VPS54: variants seen among roughly 807,000 people sequenced by gnomAD.
VPS54 encodes the protein VPS54 subunit of GARP complex.
In VPS54, 45 loss-of-function variants were observed where a neutral mutation model predicts 121.5. The ratio of observed to expected loss-of-function variants is 0.37; its 90% CI spans 0.29 to 0.47. The LOEUF (loss-of-function observed/expected upper bound fraction) is 0.47, where lower values mean the gene tolerates loss of function less well. Among genes scored for constraint, VPS54 ranks in the 20% least tolerant of loss-of-function variants. The pLI is 0.99. For synonymous variants in VPS54, 371 were observed against 385.8 expected (o/e 0.96, Z 0.45); for missense variants, 1,090 against 1,131.4 (o/e 0.96, Z 0.52).
At chr2:63,911,729 C>G (rs1369693013) in intron 20 of VPS54, among the ~76,000 whole-genome samples, 2 of 152,138 alleles carry the variant, frequency 1.3e-5, no homozygotes, top group Non-Finnish European at 2.9e-5. Context: ...TAAGGTTATT[C>G]CAAATATGAT....
chr2:63,934,170 A>G (rs1037156234), intron 11 of VPS54, among the ~76,000 whole-genome samples, 157 bp from the exon 12 acceptor site: 2 of 152,210 alleles, frequency 1.3e-5, no homozygotes, highest in Non-Finnish European at 1.5e-5. Context: ...ATTACATAGG[A>G]AAAGTGATGT....
chr2:63,893,490 G>T lies in VPS54; in HGVS notation c.2874C>A (p.Ala958=). The change falls in exon 23 of 23, where the codon GCC becomes GCA. Residue 958 remains alanine, a synonymous_variant. Coordinates refer to ENST00000272322, the MANE Select transcript of VPS54 (RefSeq NM_016516.3). ...GGTCCAAATCTTTAAGGCCTTTTAA[G>T]GCTTGAAGATTTCCAGTGTAAAAAG... The part of the protein sequence containing the change: ...DVAFYTGNLQ[A]LKGLKDLDLN... The T allele has an allele frequency of 2.5e-6, 4 of 1,613,966 alleles. No homozygotes were observed. Among genetic ancestry groups the T allele is most frequent in the Non-Finnish European group, 3.4e-6 (4 of 1,179,958 alleles).
chr2:63,920,547 T>C lies in VPS54; in HGVS notation c.1950A>G (p.Glu650=), dbSNP rs1558991940. ...ACGTGCTTTTTCTTCCACAGATCTG[T>C]TCGGTGTCTAAAATGAATGTTTCCA... ...RLMETFILDT[E]QICGRKSTSL... Residue 650 remains glutamate (E), a synonymous_variant, in exon 14 of 23, where the codon GAA becomes GAG. Coordinates refer to ENST00000272322, the MANE Select transcript of VPS54 (RefSeq NM_016516.3). The C allele has an allele frequency of 1.9e-6, 3 of 1,581,228 alleles. No homozygotes were observed. Among genetic ancestry groups the C allele is most frequent in the South Asian group, 2.3e-5 (2 of 87,032 alleles).
At position 64,019,424 on chromosome 2, in the gene VPS54, A is replaced by C. The variant is rs1678873250; in HGVS notation, c.-507T>G. ...GAGGCCGCCGCAGCCCCCAGCCCACAATCCACCGCGCGGCTCCGCCGGGGC... is the reference window on the plus strand; with the variant it reads ...GAGGCCGCCGCAGCCCCCAGCCCACCATCCACCGCGCGGCTCCGCCGGGGC... On this transcript the variant is annotated 5_prime_UTR_variant, in exon 1 of 23. The change creates a new upstream start codon in the 5' untranslated region. Coordinates refer to ENST00000272322, the MANE Select transcript of VPS54 (RefSeq NM_016516.3). Among the ~76,000 whole-genome samples the C allele has an allele frequency of 6.6e-6, 1 of 150,628 alleles. No individual in the cohort carries two copies. The highest frequency in any genetic ancestry group is 6.6e-5 in the Admixed American group (1 of 15,130).
intron 7 of VPS54, among the ~76,000 whole-genome samples, chr2:63,959,519 G>A (rs576275272): frequency 9.3e-4 from 142 of 151,966 alleles, no homozygotes; most frequent in Non-Finnish European, 1.8e-3. Context: ...TTACACATGT[G>A]GTTCTAAAAA....
chr2:64,005,258 C>A (rs991310953), intron 1 of VPS54, among the ~76,000 whole-genome samples: 1 of 150,826 alleles, frequency 6.6e-6, no homozygotes, highest in East Asian at 1.9e-4. Flanking sequence ...TGCCCGCCAC[C>A]GCGCCCGGCT....
chr2:63,967,973 T>C (rs1227882682), intron 5 of VPS54, among the ~76,000 whole-genome samples: 1 of 151,942 alleles, frequency 6.6e-6, no homozygotes, highest in Non-Finnish European at 1.5e-5. Flanking sequence ...CACAGAGCCA[T>C]CAAAAAAAAG....
chr2:63,912,343 A>AC lies in VPS54; in HGVS notation c.2625+1dup. ...AGTCTAATAATTTCTATAAATCATTACCTTAGATAACAGCTTGTCAAATAA... is the reference window on the plus strand; with the variant it reads ...AGTCTAATAATTTCTATAAATCATTACCCTTAGATAACAGCTTGTCAAATAA... On this transcript the variant is annotated splice_donor_variant, in intron 20 of 22. Transcript: ENST00000272322. LOFTEE classifies it high-confidence loss of function. The AC allele has an allele frequency of 6.2e-7, 1 of 1,602,768 alleles. No individual in the cohort carries two copies. Among genetic ancestry groups the AC allele is most frequent in the Non-Finnish European group, 8.5e-7 (1 of 1,173,852 alleles).
intron 1 of VPS54, among the ~76,000 whole-genome samples, chr2:63,987,964 A>C (rs1196140606): frequency 1.3e-5 from 2 of 152,212 alleles, no homozygotes; most frequent in Non-Finnish European, 2.9e-5. Context: ...TATAATCTAC[A>C]AACAAGGATA....
intron 1 of VPS54, among the ~76,000 whole-genome samples, chr2:63,996,440 A>T (rs909283846): frequency 7.9e-5 from 12 of 152,178 alleles, no homozygotes; most frequent in African/African-American, 2.9e-4. Flanking sequence ...TTAACTGCAC[A>T]AATTGTTCCC....
rs1392705459 is a variant in VPS54, at chr2:64,019,309, C to T, written c.-392G>A. ...GCCGCCGCCGCGCCACGACCACTGC[C>T]TCTAGCGCTTCTGCTCCCGACTCCA... is the stretch of plus-strand genomic sequence containing the variant. On this transcript the variant is annotated 5_prime_UTR_variant, in exon 1 of 23. Transcript: ENST00000272322. Among the ~76,000 whole-genome samples the T allele has an allele frequency of 6.6e-6, 1 of 150,666 alleles. No individual in the cohort carries two copies. The highest frequency in any genetic ancestry group is 1.5e-5 in the Non-Finnish European group (1 of 67,324).
At chr2:63,904,543 A>G (rs1231657124) in intron 20 of VPS54, among the ~76,000 whole-genome samples, 1 of 152,016 alleles carries the variant, frequency 6.6e-6, no homozygotes, top group African/African-American at 2.4e-5. Context: ...TTCAAGATAC[A>G]TATAACAAAA....
intron 1 of VPS54, among the ~76,000 whole-genome samples, chr2:64,018,081 T>C (rs981223586): frequency 6.6e-6 from 1 of 152,234 alleles, no homozygotes; most frequent in Non-Finnish European, 1.5e-5. Flanking sequence ...TATTTCTCGG[T>C]ATACTACAAG....
intron 4 of VPS54, among the ~76,000 whole-genome samples, 175 bp from the exon 5 acceptor site, chr2:63,969,166 T>A (rs558169465): frequency 6.6e-6 from 1 of 152,318 alleles, no homozygotes; most frequent in Admixed American, 6.5e-5. Flanking sequence ...GGCAAAGCGC[T>A]GAACAAAACA....
intron 11 of VPS54, among the ~76,000 whole-genome samples, chr2:63,939,765 G>C (rs1375399462): frequency 5.3e-5 from 6 of 113,742 alleles, no homozygotes; most frequent in African/African-American, 1.5e-4. Context: ...TCTACATCTT[G>C]CCTTTTTTTT....
chr2:63,987,140 G>A (rs1220307662), intron 1 of VPS54, among the ~76,000 whole-genome samples: 2 of 152,124 alleles, frequency 1.3e-5, no homozygotes, highest in Non-Finnish European at 2.9e-5. Context: ...AGAAATCCTT[G>A]CTCACTTCAA....
chr2:63,946,805 G>A (rs756835888), intron 9 of VPS54, among the ~76,000 whole-genome samples: 7 of 151,972 alleles, frequency 4.6e-5, no homozygotes, highest in African/African-American at 1.7e-4. Context: ...CTGCTGATGG[G>A]AGTATAAATT....
chr2:64,001,858 G>C (rs1305285363), intron 1 of VPS54, among the ~76,000 whole-genome samples: 1 of 152,062 alleles, frequency 6.6e-6, no homozygotes, highest in Non-Finnish European at 1.5e-5. Flanking sequence ...ACTCCCTTAG[G>C]TGTTCCAATT....
intron 1 of VPS54, among the ~76,000 whole-genome samples, chr2:63,997,945 G>A (rs764832308): frequency 6.6e-6 from 1 of 151,902 alleles, no homozygotes; most frequent in African/African-American, 2.4e-5. Flanking sequence ...TTGACTCACT[G>A]GTCATTCAGG....
Sources: gnomAD v4.1 joint callset for allele counts (sites outside exome capture counted in the v4.1 genomes callset) on GRCh38, gnomAD v4.1.1 for gene constraint, MANE v1.5 for transcripts, NCBI Gene and HGNC (gene_info 2026-07-23, HGNC 2026-07-21) for gene names.